The following DNMT3A variants were observed in gnomAD, a reference collection of about 807,000 sequenced individuals.
DNMT3A encodes the protein DNA methyltransferase 3 alpha.
Under a neutral mutation model 117.6 loss-of-function variants are expected in DNMT3A, and 267 were observed. The ratio of observed to expected loss-of-function variants is 2.27; its 90% CI spans 2.05 to 2.51. DNMT3A has a LOEUF of 2.51. DNMT3A is among the 30% of genes most tolerant of loss of function. The probability of loss-of-function intolerance (pLI) is 0.00; values close to 1 mark genes in which losing one functional copy is unlikely to be tolerated. For synonymous variants in DNMT3A, 432 were observed against 474.8 expected, an observed-to-expected ratio of 0.91 and a Z score of 1.17; for missense variants, 1,029 against 1,260.2, an observed-to-expected ratio of 0.82 and a Z score of 2.78.
At position 25,237,077 on chromosome 2, in the gene DNMT3A, C is replaced by G. The variant is rs1673457706; in HGVS notation, c.2409-72G>C. The G allele has an allele frequency of 6.9e-7, 1 of 1,456,428 alleles. No homozygotes were observed. The allele number at this position is 1,456,428 out of a possible 1,614,324, so 90.2% of individuals were successfully genotyped here. ...CGGGAAGGGCCCCAGCTGCACGACT[C>G]CCCTCCCTCCCCCAGCAGCCACTAG... On this transcript the variant is annotated intron_variant, in intron 20 of 22. Coordinates refer to ENST00000321117, the MANE Select transcript of DNMT3A (RefSeq NM_022552.5). The surrounding 1 kb of genome is among the most constrained non-coding windows in gnomAD (Gnocchi z 5.4).
intron 20 of DNMT3A, among the ~76,000 whole-genome samples, 166 bp downstream of exon 20, chr2:25,238,964 G>C (rs1673663244): frequency 6.6e-6 from 1 of 152,218 alleles, no homozygotes; most frequent in African/African-American, 2.4e-5. Flanking sequence ...TCTATACCCT[G>C]ACTCCTCTTC....
chr2:25,263,089 C>T (rs1676751297), intron 6 of DNMT3A, among the ~76,000 whole-genome samples: 1 of 152,170 alleles, frequency 6.6e-6, no homozygotes. Context: ...TGCACAACAC[C>T]ATGCCCAGCT....
At chr2:25,290,036 C>T (rs1368222108) in intron 3 of DNMT3A, among the ~76,000 whole-genome samples, 1 of 152,186 alleles carries the variant, frequency 6.6e-6, no homozygotes, top group African/African-American at 2.4e-5. Flanking sequence ...GGCACGATCA[C>T]GGCTCACTGT....
intron 1 of DNMT3A, among the ~76,000 whole-genome samples, chr2:25,315,030 G>A (rs1393179566): frequency 6.6e-6 from 1 of 152,126 alleles, no homozygotes; most frequent in Admixed American, 6.5e-5. Context: ...CCCCACCCCC[G>A]GAGGAGGCGG....
Position 25,246,759 on chromosome 2 carries a change from C to T in DNMT3A, c.1140G>A (p.Ala380=), listed in dbSNP as rs77345627. 3.0e-3 allele frequency: 4,884 copies of T among 1,613,582 alleles called. 114 individuals are homozygous for T. In the African/African-American group the frequency reaches 0.053, roughly 17 times the overall value. Residue 380 remains alanine, a synonymous_variant, in exon 10 of 23, where the codon GCG becomes GCA. Coordinates refer to ENST00000321117, the MANE Select transcript of DNMT3A (RefSeq NM_022552.5). ...YEVLQVASSR[A]GKLFPVCHDS... ...CGTGGCACACCGGGAACAGCTTCCC[C>T]GCGCGGCTGCTGGCCACCTGGAGGG...
In DNMT3A at chr2:25,304,828, C is replaced by G. The variant is rs773548825; in HGVS notation, c.73-4585G>C. On this transcript the variant is annotated intron_variant, in intron 2 of 22. Transcript: ENST00000321117. This position sits in a 1 kb window ranked among gnomAD's most constrained non-coding sequence, Gnocchi z 4.3. ...GTTCTTCTGACCACACCACCTTCCC[C>G]TCAGGTTTATCAGCAAACTGTTACT... is the stretch of plus-strand genomic sequence containing the variant. Among the ~76,000 whole-genome samples, 1 of 152,232 alleles carries G rather than the reference C, an allele frequency of 6.6e-6. No individual in the cohort carries two copies. The highest frequency in any genetic ancestry group is 2.4e-5 in the African/African-American group (1 of 41,456).
In DNMT3A at chr2:25,248,167, G is replaced by C. The variant is rs1675082072; in HGVS notation, c.725C>G (p.Ala242Gly). 6.2e-7 allele frequency: 1 copy of C among 1,613,756 alleles called. No individual in the cohort carries two copies. Among genetic ancestry groups the C allele is most frequent in the Non-Finnish European group, 8.5e-7 (1 of 1,179,962 alleles). The change falls in exon 7 of 23, where the codon GCC becomes GGC. Residue 242 changes from alanine to glycine, a missense_variant. By Grantham distance (60) the Ala-to-Gly change is moderately conservative. Transcript: ENST00000321117. ...GPGESQKVEE[A>G]SPPAVQQPTD... ...GGGCTGCTGCACAGCAGGAGGGCTGGCCTCCTCCACCTTCTGAGACTCCCC... is the reference window on the plus strand; with the variant it reads ...GGGCTGCTGCACAGCAGGAGGGCTGCCCTCCTCCACCTTCTGAGACTCCCC...
intron 6 of DNMT3A, among the ~76,000 whole-genome samples, chr2:25,271,270 C>A (rs1286528829): frequency 6.6e-6 from 1 of 152,130 alleles, no homozygotes; most frequent in African/African-American, 2.4e-5. Context: ...TCGCCTCAAC[C>A]CAGGAGGCGG....
chr2:25,319,601 T>G (rs1412418300), intron 1 of DNMT3A, among the ~76,000 whole-genome samples: 4 of 152,238 alleles, frequency 2.6e-5, no homozygotes, highest in Admixed American at 2.6e-4. Context: ...GCCAGTCACC[T>G]GGCATGAGCC....
chr2:25,243,875 C>A lies in DNMT3A; in HGVS notation c.1936+23G>T, dbSNP rs1214013140. 4 of 1,551,726 alleles carry A rather than the reference C, an allele frequency of 2.6e-6. No individual in the cohort carries two copies. The Admixed American group carries it at 7.8e-5, about 30-fold the overall frequency. ...CCATCCTGGGACAAGGCGGCCAGCACCTCTTGGGCCTGCACCCCTCACCTG... is the reference window on the plus strand; with the variant it reads ...CCATCCTGGGACAAGGCGGCCAGCAACTCTTGGGCCTGCACCCCTCACCTG... On this transcript the variant is annotated intron_variant, in intron 16 of 22. Coordinates refer to ENST00000321117, the MANE Select transcript of DNMT3A (RefSeq NM_022552.5).
chr2:25,280,974 A>G (rs1192341966), intron 4 of DNMT3A, among the ~76,000 whole-genome samples: 1 of 152,178 alleles, frequency 6.6e-6, no homozygotes, highest in Non-Finnish European at 1.5e-5. Context: ...AGCGAAGTCA[A>G]CTGCAGTCAG....
Position 25,281,900 on chromosome 2 carries a change from G to A in DNMT3A, c.448+541C>T, listed in dbSNP as rs1415525084. ...CACAACCAAATTTCCAGTTGAGTCAGCCCAACTAGGGTGGGCTCAGGACCT... is the reference window on the plus strand; with the variant it reads ...CACAACCAAATTTCCAGTTGAGTCAACCCAACTAGGGTGGGCTCAGGACCT... On this transcript the variant is annotated intron_variant, in intron 4 of 22. Coordinates refer to ENST00000321117, the MANE Select transcript of DNMT3A (RefSeq NM_022552.5). This position sits in a 1 kb window ranked among gnomAD's most constrained non-coding sequence, Gnocchi z 4.8. The A allele has an allele frequency of 2.8e-6, 3 of 1,071,088 alleles. No individual in the cohort carries two copies. The highest frequency in any genetic ancestry group is 3.4e-6 in the Non-Finnish European group (3 of 882,796). 66.3% of individuals were successfully genotyped at this position (1,071,088 alleles called of 1,614,324 possible).
At chr2:25,285,910 A>G (rs1458304259) in intron 3 of DNMT3A, among the ~76,000 whole-genome samples, 1 of 150,084 alleles carries the variant, frequency 6.7e-6, no homozygotes, top group African/African-American at 2.5e-5. Context: ...CAGCTGTTCC[A>G]GGTACCCCAA....
At chr2:25,245,882 T>A in intron 12 of DNMT3A, 138 bp downstream of exon 12, 1 of 1,123,078 alleles carries the variant, frequency 8.9e-7, no homozygotes, top group Non-Finnish European at 1.3e-6. Flanking sequence ...AGACAGACAG[T>A]GCACGAAGCA....
At chr2:25,303,152 T>C (rs2033608342) in intron 2 of DNMT3A, among the ~76,000 whole-genome samples, 5 of 152,238 alleles carry the variant, frequency 3.3e-5, no homozygotes, top group Admixed American at 2.6e-4. Context: ...CAAGCTGCAT[T>C]TGTGACAGAG....
chr2:25,282,240 T>C lies in DNMT3A; in HGVS notation c.448+201A>G. The stretch of plus-strand genomic sequence containing the variant: ...AAATACTGGCAACTAATTTTTTAAA[T>C]GTTTAAAACACTCTATGGGCCAAAT... On this transcript the variant is annotated intron_variant, in intron 4 of 22. Transcript: ENST00000321117. The surrounding 1 kb of genome is among the most constrained non-coding windows in gnomAD (Gnocchi z 5.2). The C allele has an allele frequency of 8.0e-7, 1 of 1,255,900 alleles. No individual in the cohort carries two copies. The highest frequency in any genetic ancestry group is 1.0e-6 in the Non-Finnish European group (1 of 999,068). 77.8% of individuals were successfully genotyped at this position (1,255,900 alleles called of 1,614,324 possible). A position where few individuals can be genotyped will look rare whatever the true frequency, so the allele number is the denominator to read the frequency against.
intron 3 of DNMT3A, among the ~76,000 whole-genome samples, chr2:25,299,757 C>T (rs905930875): frequency 2.6e-5 from 4 of 152,148 alleles, no homozygotes; most frequent in African/African-American, 9.7e-5. Context: ...ATGGCGAAAT[C>T]TCGCCTCTAC....
In DNMT3A at chr2:25,298,140, G is replaced by T. The variant is rs374323383; in HGVS notation, c.177+1999C>A. 8.5e-5 allele frequency among the ~76,000 whole-genome samples: 13 copies of T among 152,356 alleles called. No homozygotes were observed. In the East Asian group the frequency reaches 2.1e-3, roughly 25 times the overall value. On this transcript the variant is annotated intron_variant, in intron 3 of 22. Coordinates refer to ENST00000321117, the MANE Select transcript of DNMT3A (RefSeq NM_022552.5). The surrounding 1 kb of genome is among the most constrained non-coding windows in gnomAD (Gnocchi z 4.3). ...TCTATTTTTAGAAGGGGAACCTGAG[G>T]TTCAGGCAGCAGCAGTTCAAGGTTA...
intron 6 of DNMT3A, among the ~76,000 whole-genome samples, chr2:25,258,743 A>G (rs1676365659): frequency 6.6e-6 from 1 of 152,224 alleles, no homozygotes; most frequent in Non-Finnish European, 1.5e-5. Context: ...GGAAACTAGG[A>G]ATGGGCACAA....
Sources: gnomAD v4.1 joint callset for allele counts (sites outside exome capture counted in the v4.1 genomes callset) on GRCh38, gnomAD v4.1.1 for gene constraint, Gnocchi (gnomAD v3.1) non-coding constraint, MANE v1.5 for transcripts, NCBI Gene and HGNC (gene_info 2026-07-23, HGNC 2026-07-21) for gene names.